Variants in ADAM17 observed in about 807,000 individuals in gnomAD.
The protein encoded by ADAM17 is ADAM metallopeptidase domain 17, also known as disintegrin and metalloproteinase domain-containing protein 17.
Under a neutral mutation model 96.7 loss-of-function variants are expected in ADAM17, and 39 were observed. That is an observed-to-expected ratio of 0.40 (90% confidence interval 0.31 to 0.53). The LOEUF is 0.53. Among genes scored for constraint, ADAM17 ranks in the 20% least tolerant of loss-of-function variants. The pLI, the probability that ADAM17 is intolerant of heterozygous loss-of-function variation, is 0.44. For synonymous variants in ADAM17, 344 were observed against 359.2 expected, an observed-to-expected ratio of 0.96 and a Z score of 0.48; for missense variants, 777 against 1,013.2, an observed-to-expected ratio of 0.77 and a Z score of 3.17.
At chr2:9,497,021 T>C in intron 14 of ADAM17, 93 bp downstream of exon 14, 1 of 1,544,324 alleles carries the variant, frequency 6.5e-7, no homozygotes, top group Non-Finnish European at 8.7e-7. Context: ...TCACCACTGC[T>C]GTCATTCGCA....
At chr2:9,545,462 C>A (rs190904290) in intron 1 of ADAM17, among the ~76,000 whole-genome samples, 290 of 152,106 alleles carry the variant, frequency 1.9e-3, no homozygotes, top group African/African-American at 6.7e-3. Flanking sequence ...CCCAGCTACT[C>A]GGTAGGCTGA....
chr2:9,543,087 C>CTTTT, intron 2 of ADAM17, 66 bp downstream of exon 2: 2 of 1,458,338 alleles, frequency 1.4e-6, no homozygotes, highest in Admixed American at 2.5e-5. Context: ...GATACCCTTA[C>CTTTT]TTTTTTGTTT....
intron 4 of ADAM17, among the ~76,000 whole-genome samples, chr2:9,532,718 G>A (rs1023079401): frequency 2.7e-5 from 4 of 150,506 alleles, no homozygotes; most frequent in African/African-American, 7.4e-5. Flanking sequence ...AAATTCCTGG[G>A]CTCAAGCAGT....
In ADAM17 at chr2:9,492,964, G is replaced by A. The variant is rs753079319; in HGVS notation, c.2016C>T (p.Ile672=). ...NTFGKFLADN[I]VGSVLVFSLI... Reference sequence around the variant, plus strand: ...AGGAGAAAACCAGGACAGACCCAACGATGTTGTCTGCTAAAAACTTTCCTG... The same window carrying A: ...AGGAGAAAACCAGGACAGACCCAACAATGTTGTCTGCTAAAAACTTTCCTG... Residue 672 remains isoleucine (I), a synonymous_variant, in exon 17 of 19, where the codon ATC becomes ATT. Coordinates refer to ENST00000310823, the MANE Select transcript of ADAM17 (RefSeq NM_003183.6). 3.7e-6 allele frequency: 6 copies of A among 1,611,498 alleles called. No individual in the cohort carries two copies. Among genetic ancestry groups the A allele is most frequent in the African/African-American group, 1.3e-5 (1 of 74,932 alleles).
In ADAM17 at chr2:9,543,269, C is replaced by A. The variant is rs1665287890; in HGVS notation, c.114G>T (p.Leu38Phe). The part of the protein sequence containing the change: ...PHQRLEKLDS[L>F]LSDYDILSLS... ...AAGAGAGAATATCGTAGTCTGAGAG[C>A]AAAGAATCAAGCTTCTCTGAAATAA... Residue 38 changes from leucine (L) to phenylalanine (F), a missense_variant, in exon 2 of 19, where the codon TTG (leucine) becomes TTT (phenylalanine). Leu to Phe is a conservative substitution (Grantham distance 22, BLOSUM62 0). This residue lies in a region of ADAM17 where 134 missense variants were observed against 129.1 expected (regional missense o/e 1.04). Transcript: ENST00000310823. 2 of 1,594,958 alleles carry A rather than the reference C, an allele frequency of 1.3e-6. No individual in the cohort carries two copies. The highest frequency in any genetic ancestry group is 2.3e-5 in the South Asian group (2 of 87,292).
intron 1 of ADAM17, 99 bp downstream of exon 1, chr2:9,555,410 A>G (rs1665711259): frequency 9.5e-6 from 10 of 1,055,492 alleles, no homozygotes; most frequent in Non-Finnish European, 1.3e-5. Context: ...ACCATCGCCA[A>G]TACCCCGCCC....
In ADAM17 at chr2:9,490,280, G is replaced by A; in HGVS notation, c.2372C>T (p.Ser791Leu). The part of the protein sequence containing the change: ...PFPNSSTAAK[S>L]FEDLTDHPVT... ...CGGATGGTCCGTGAGATCCTCAAAT[G>A]ACTTGGCAGCTGTGCTGCTATTTGG... is the stretch of plus-strand genomic sequence containing the variant. Residue 791 changes from serine to leucine, a missense_variant, in exon 19 of 19, where the codon TCA becomes TTA. Ser to Leu is a moderately radical substitution (Grantham distance 145). This residue lies in a region of ADAM17 where 197 missense variants were observed against 219.4 expected (regional missense o/e 0.90). Transcript: ENST00000310823. The A allele has an allele frequency of 6.2e-7, 1 of 1,614,174 alleles. No homozygotes were observed.
At position 9,510,081 on chromosome 2, in the gene ADAM17, T is replaced by C; in HGVS notation, c.1242A>G (p.Glu414=). ...THELGHNFGA[E]HDPDGLAECA... is the part of the protein sequence containing the mutation. The stretch of plus-strand genomic sequence containing the variant: ...ATTCTGCTAGACCATCCGGATCATG[T>C]TCTGCTCCAAAATTATGTCCCAATT... Residue 414 remains glutamate (E), a synonymous_variant, in exon 11 of 19, where the codon GAA becomes GAG. Coordinates refer to ENST00000310823, the MANE Select transcript of ADAM17 (RefSeq NM_003183.6). 1 of 1,614,188 alleles carries C rather than the reference T, an allele frequency of 6.2e-7. No homozygotes were observed.
At chr2:9,545,492 C>A (rs941414591) in intron 1 of ADAM17, among the ~76,000 whole-genome samples, 4 of 151,860 alleles carry the variant, frequency 2.6e-5, no homozygotes, top group Non-Finnish European at 5.9e-5. Context: ...ACTGCTTGAA[C>A]CTGGGAGGCG....
rs1431024163 is a variant in ADAM17, at chr2:9,489,010, AAAGT to A, written c.*1163_*1166del. On this transcript the variant is annotated 3_prime_UTR_variant, in exon 19 of 19. Transcript: ENST00000310823. ...AGCCCATCCAGAATCCTGGAGCAAT[AAAGT>A]AAGAAGTAATTCAAATATCTGCTTG... 3 of 152,206 alleles carry A rather than the reference AAAGT, an allele frequency of 2.0e-5. No individual in the cohort carries two copies. Among genetic ancestry groups the A allele is most frequent in the South Asian group, 4.1e-4 (2 of 4,834 alleles). 9.4% of individuals were successfully genotyped at this position (152,206 alleles called of 1,614,324 possible).
In ADAM17 at chr2:9,489,346, G is replaced by C. The variant is rs1661890705; in HGVS notation, c.*831C>G. On this transcript the variant is annotated 3_prime_UTR_variant, in exon 19 of 19. Coordinates refer to ENST00000310823, the MANE Select transcript of ADAM17 (RefSeq NM_003183.6). ...AGTGGCGCAACCTCAGCCTCTCCAA[G>C]TGCTGGGATTACAGGCATGAGCCAC... 7.1e-6 allele frequency: 1 copy of C among 141,716 alleles called. No individual in the cohort carries two copies. Among genetic ancestry groups the C allele is most frequent in the African/African-American group, 2.7e-5 (1 of 36,474 alleles). 8.8% of individuals were successfully genotyped at this position (141,716 alleles called of 1,614,324 possible). A position where few individuals can be genotyped will look rare whatever the true frequency, so the allele number is the denominator to read the frequency against.
At chr2:9,528,307 A>G (rs1290247884) in intron 4 of ADAM17, among the ~76,000 whole-genome samples, 2 of 152,214 alleles carry the variant, frequency 1.3e-5, no homozygotes, top group African/African-American at 4.8e-5. Flanking sequence ...TGGCACTGTT[A>G]TAGGTGATGG....
chr2:9,554,181 G>A (rs1240538875), intron 1 of ADAM17, among the ~76,000 whole-genome samples: 7 of 152,174 alleles, frequency 4.6e-5, no homozygotes, highest in African/African-American at 1.2e-4. Flanking sequence ...TTTTACCTAC[G>A]AACAACAGAT....
Position 9,555,433 on chromosome 2 carries a change from T to C in ADAM17, c.97+76A>G, listed in dbSNP as rs1310970603. 6.9e-6 allele frequency: 9 copies of C among 1,298,700 alleles called. No individual in the cohort carries two copies. In the African/African-American group the frequency reaches 9.0e-5, roughly 13 times the overall value. 80.4% of individuals were successfully genotyped at this position (1,298,700 alleles called of 1,614,324 possible). A position where few individuals can be genotyped will look rare whatever the true frequency, so the allele number is the denominator to read the frequency against. On this transcript the variant is annotated intron_variant, in intron 1 of 18. Transcript: ENST00000310823. Reference sequence around the variant, plus strand: ...CAATACCCCGCCCCCAAACACCTGATAGACCCAGCTCCCCTGCTCTTCCCT... The same window carrying C: ...CAATACCCCGCCCCCAAACACCTGACAGACCCAGCTCCCCTGCTCTTCCCT...
intron 15 of ADAM17, among the ~76,000 whole-genome samples, 166 bp from the exon 16 acceptor site, chr2:9,493,991 T>C (rs1361713969): frequency 1.3e-5 from 2 of 152,304 alleles, no homozygotes; most frequent in Non-Finnish European, 2.9e-5. Context: ...CCCAAGAAAG[T>C]AGAACATCTG....
In ADAM17 at chr2:9,489,914, T is replaced by C. The variant is rs1044124952; in HGVS notation, c.*263A>G. 17 of 383,330 alleles carry C rather than the reference T, an allele frequency of 4.4e-5. No homozygotes were observed. The highest frequency in any genetic ancestry group is 3.2e-4 in the African/African-American group (16 of 50,210). 23.7% of individuals were successfully genotyped at this position (383,330 alleles called of 1,614,324 possible). On this transcript the variant is annotated 3_prime_UTR_variant, in exon 19 of 19. Coordinates refer to ENST00000310823, the MANE Select transcript of ADAM17 (RefSeq NM_003183.6). ...CATAACCCAATCCAGCTGTATTTTCTGCTTTTGCACCACAGGTCAAAAGAT... is the reference window on the plus strand; with the variant it reads ...CATAACCCAATCCAGCTGTATTTTCCGCTTTTGCACCACAGGTCAAAAGAT...
chr2:9,507,964 G>A (rs996876808), intron 11 of ADAM17, among the ~76,000 whole-genome samples: 16 of 152,080 alleles, frequency 1.1e-4, no homozygotes, highest in Admixed American at 9.8e-4. Context: ...TGCCCACCTC[G>A]GCCTCTCAAA....
Position 9,489,596 on chromosome 2 carries a change from C to T in ADAM17, c.*581G>A, listed in dbSNP as rs1004724744. The T allele has an allele frequency of 2.0e-5, 3 of 152,110 alleles. No individual in the cohort carries two copies. Among genetic ancestry groups the T allele is most frequent in the African/African-American group, 7.3e-5 (3 of 41,218 alleles). 9.4% of individuals were successfully genotyped at this position (152,110 alleles called of 1,614,324 possible). Reference sequence around the variant, plus strand: ...TTAGAATTATGAAGAGCCATATTAACCCAAATGATTTCTAAATTTAGATAT... The same window carrying T: ...TTAGAATTATGAAGAGCCATATTAATCCAAATGATTTCTAAATTTAGATAT... On this transcript the variant is annotated 3_prime_UTR_variant, in exon 19 of 19. Coordinates refer to ENST00000310823, the MANE Select transcript of ADAM17 (RefSeq NM_003183.6).
rs561398182 is a variant in ADAM17 at position 9,508,491 on chromosome 2, T to A, written c.1344+1488A>T. Among the ~76,000 whole-genome samples the A allele has an allele frequency of 7.2e-5, 11 of 152,384 alleles. No individual in the cohort carries two copies. The South Asian group carries it at 1.7e-3, about 23-fold the overall frequency. On this transcript the variant is annotated intron_variant, in intron 11 of 18. Coordinates refer to ENST00000310823, the MANE Select transcript of ADAM17 (RefSeq NM_003183.6). ...AAGTATATAACTCAGTGATTTCTAA[T>A]AACTTTACCAAGTGTTGAAACCATT...
Sources: allele counts gnomAD v4.1 joint callset (sites outside exome capture counted in the v4.1 genomes callset), GRCh38; gene constraint gnomAD v4.1.1; regional missense constraint gnomAD v4.1.1; transcripts MANE v1.5; gene names NCBI Gene and HGNC (gene_info 2026-07-23, HGNC 2026-07-21).